The following SMOC1 variants were observed in gnomAD, a reference collection of about 807,000 sequenced individuals.
The protein encoded by SMOC1 is SPARC-related modular calcium-binding protein 1.
Under a neutral mutation model 56.3 loss-of-function variants are expected in SMOC1, and 22 were observed. The observed-to-expected ratio is 0.39, with a 90% CI of 0.28 to 0.56. The LOEUF is 0.56. SMOC1 is among the 20% of genes least tolerant of loss of function. The pLI, the probability that SMOC1 is intolerant of heterozygous loss-of-function variation, is 0.61. For synonymous variants in SMOC1, 193 were observed against 215.0 expected, an observed-to-expected ratio of 0.90 and a Z score of 0.89; for missense variants, 509 against 565.4, an observed-to-expected ratio of 0.90 and a Z score of 1.01.
At chr14:69,998,395 C>T (rs1176438271) in intron 7 of SMOC1, among the ~76,000 whole-genome samples, 3 of 151,216 alleles carry the variant, frequency 2.0e-5, no homozygotes, top group Non-Finnish European at 4.4e-5. Flanking sequence ...AGCCTCTGTT[C>T]TGCTTTTATA....
At chr14:69,961,268 T>TTGTG (rs1224284362) in intron 3 of SMOC1, among the ~76,000 whole-genome samples, 41 of 89,722 alleles carry the variant, frequency 4.6e-4, no homozygotes, top group African/African-American at 2.1e-3. Flanking sequence ...CAATATTCTA[T>TTGTG]TGTGTATATA....
At chr14:69,917,031 G>A (rs546678891) in intron 1 of SMOC1, among the ~76,000 whole-genome samples, 20 of 152,322 alleles carry the variant, frequency 1.3e-4, no homozygotes, top group African/African-American at 4.8e-4. Flanking sequence ...CTTTTAAACA[G>A]CAGGACAACT....
At chr14:70,017,203 A>G (rs1170834974) in intron 10 of SMOC1, among the ~76,000 whole-genome samples, 1 of 152,184 alleles carries the variant, frequency 6.6e-6, no homozygotes, top group African/African-American at 2.4e-5. Flanking sequence ...CACAAGACCA[A>G]GTATAAGGCT....
intron 1 of SMOC1, among the ~76,000 whole-genome samples, chr14:69,947,126 T>C (rs968502275): frequency 6.9e-5 from 10 of 144,566 alleles, no homozygotes; most frequent in African/African-American, 1.3e-4. Flanking sequence ...CCTTCCTTCC[T>C]TCCCTCCCTC....
At chr14:69,964,139 T>C (rs1883482343) in intron 3 of SMOC1, among the ~76,000 whole-genome samples, 1 of 152,214 alleles carries the variant, frequency 6.6e-6, no homozygotes, top group African/African-American at 2.4e-5. Flanking sequence ...ATGCAAGGTT[T>C]GGGTGCTCCC....
At chr14:70,028,570 G>A (rs1886017338) in intron 11 of SMOC1, among the ~76,000 whole-genome samples, 1 of 152,224 alleles carries the variant, frequency 6.6e-6, no homozygotes, top group Non-Finnish European at 1.5e-5. Context: ...AAGCCTCCAT[G>A]AAAAAGAGCT....
At chr14:69,887,316 A>AT (rs1883836718) in intron 1 of SMOC1, among the ~76,000 whole-genome samples, 1 of 152,242 alleles carries the variant, frequency 6.6e-6, no homozygotes, top group Non-Finnish European at 1.5e-5. Context: ...TAGTAAAGTA[A>AT]TGATGGATAC....
chr14:69,922,705 G>A (rs572995060), intron 1 of SMOC1, among the ~76,000 whole-genome samples: 7 of 152,156 alleles, frequency 4.6e-5, no homozygotes, highest in Admixed American at 1.3e-4. Context: ...GAAGTGCCTC[G>A]ACATTGTATC....
chr14:69,905,268 G>A (rs2139334445), intron 1 of SMOC1, among the ~76,000 whole-genome samples: 1 of 152,194 alleles, frequency 6.6e-6, no homozygotes, highest in South Asian at 2.1e-4. Flanking sequence ...TCTAAGGCAG[G>A]AGTTGGAGAG....
intron 5 of SMOC1, among the ~76,000 whole-genome samples, chr14:69,991,028 A>G (rs1884549074): frequency 6.6e-6 from 1 of 152,110 alleles, no homozygotes; most frequent in Admixed American, 6.5e-5. Flanking sequence ...TCCCTCCCCC[A>G]ATAAGATGCA....
intron 1 of SMOC1, among the ~76,000 whole-genome samples, chr14:69,942,562 C>T (rs1466356158): frequency 6.6e-6 from 1 of 152,166 alleles, no homozygotes; most frequent in Non-Finnish European, 1.5e-5. Context: ...ACATGTTCTC[C>T]TGCTTCTCTC....
chr14:69,880,082 G>T (rs1479192530), intron 1 of SMOC1, among the ~76,000 whole-genome samples: 1 of 151,684 alleles, frequency 6.6e-6, no homozygotes, highest in Non-Finnish European at 1.5e-5. Flanking sequence ...TGCCTCCTGC[G>T]TCGGAGAGAA....
At chr14:69,933,718 A>G (rs751788884) in intron 1 of SMOC1, among the ~76,000 whole-genome samples, 7 of 152,106 alleles carry the variant, frequency 4.6e-5, no homozygotes, top group Non-Finnish European at 8.8e-5. Context: ...GGGTGTCCCC[A>G]TGTTGGCCAG....
intron 1 of SMOC1, among the ~76,000 whole-genome samples, chr14:69,932,048 T>C (rs976934041): frequency 2.0e-5 from 3 of 152,230 alleles, no homozygotes; most frequent in South Asian, 2.1e-4. Context: ...AAAGAGTGGC[T>C]TTGCCATCCC....
chr14:69,885,694 G>A (rs1041855573), intron 1 of SMOC1: 55 of 1,451,778 alleles, frequency 3.8e-5, no homozygotes, highest in South Asian at 1.7e-4. Flanking sequence ...GAGCTTTCTT[G>A]TTCTCCACCA....
chr14:70,012,404 G>A (rs986702657), intron 9 of SMOC1, among the ~76,000 whole-genome samples: 1 of 152,256 alleles, frequency 6.6e-6, no homozygotes, highest in Non-Finnish European at 1.5e-5. Flanking sequence ...GACTTACAGA[G>A]TGGAGGAGAC....
intron 3 of SMOC1, among the ~76,000 whole-genome samples, chr14:69,955,451 G>A (rs944827079): frequency 6.6e-6 from 1 of 151,978 alleles, no homozygotes; most frequent in East Asian, 1.9e-4. Context: ...CACTATTATT[G>A]TATGTAATAA....
At chr14:69,883,157 C>T (rs112004890) in intron 1 of SMOC1, among the ~76,000 whole-genome samples, 1 of 152,194 alleles carries the variant, frequency 6.6e-6, no homozygotes, top group Non-Finnish European at 1.5e-5. Context: ...TTAACATCCA[C>T]TCTTTGCATT....
At position 69,996,927 on chromosome 14, in the gene SMOC1, T is replaced by C. The variant is rs951676787; in HGVS notation, c.664+2447T>C. Reference sequence around the variant, plus strand: ...TGTCAAATGGTCTCTTGCCTTCTTTTGAAAATAAAGTTGGGTTGGATCACA... The same window carrying C: ...TGTCAAATGGTCTCTTGCCTTCTTTCGAAAATAAAGTTGGGTTGGATCACA... On this transcript the variant is annotated intron_variant, in intron 7 of 11. Transcript: ENST00000361956. Among the ~76,000 whole-genome samples, 6 of 152,350 alleles carry C rather than the reference T, an allele frequency of 3.9e-5. No homozygotes were observed. In the East Asian group the frequency reaches 1.2e-3, roughly 29 times the overall value.
Sources: allele counts gnomAD v4.1 joint callset (sites outside exome capture counted in the v4.1 genomes callset), GRCh38; gene constraint gnomAD v4.1.1; transcripts MANE v1.5; gene names NCBI Gene and HGNC (gene_info 2026-07-23, HGNC 2026-07-21).